Variants in SHISA9 observed in about 807,000 individuals in gnomAD.
SHISA9 encodes the protein protein shisa-9.
Under a neutral mutation model 38.0 loss-of-function variants are expected in SHISA9, and 13 were observed. The ratio of observed to expected loss-of-function variants is 0.34; its 90% CI spans 0.22 to 0.54. The LOEUF (loss-of-function observed/expected upper bound fraction) is 0.54. SHISA9 is among the 20% of genes least tolerant of loss of function. The pLI is 0.91. For missense variants in SHISA9, 538 were observed against 575.8 expected (o/e 0.93, Z 0.67); for synonymous variants, 275 against 242.0 (o/e 1.14, Z -1.27).
At chr16:13,323,383 C>T in the SHISA9 span, among the ~76,000 whole-genome samples, 1 of 152,154 alleles carries the variant, frequency 6.6e-6, no homozygotes, top group South Asian at 2.1e-4. Context: ...AATCCTCAGT[C>T]ATTGAGTGGA....
chr16:13,054,340 T>G (rs1398780606), intron 2 of SHISA9, among the ~76,000 whole-genome samples: 1 of 152,202 alleles, frequency 6.6e-6, no homozygotes, highest in East Asian at 1.9e-4. Flanking sequence ...TGGCGTCTGG[T>G]GCACTGTTGG....
chr16:13,010,363 T>C (rs2072656896), intron 2 of SHISA9, among the ~76,000 whole-genome samples: 1 of 152,126 alleles, frequency 6.6e-6, no homozygotes. Flanking sequence ...CACCAGACAA[T>C]AGGATATTGT....
chr16:13,276,284 T>C, the SHISA9 span, among the ~76,000 whole-genome samples: 1 of 147,582 alleles, frequency 6.8e-6, no homozygotes, highest in Non-Finnish European at 1.5e-5. Flanking sequence ...ATCATATATA[T>C]ATATAGCACA....
intron 2 of SHISA9, among the ~76,000 whole-genome samples, chr16:13,021,664 A>G (rs1291373116): frequency 6.6e-6 from 1 of 152,342 alleles, no homozygotes; most frequent in East Asian, 1.9e-4. Context: ...GGATTCTTAT[A>G]AAACTCAGCA....
chr16:13,148,689 G>GCGCGCACACACA (rs6145754), intron 2 of SHISA9, among the ~76,000 whole-genome samples: 4 of 132,540 alleles, frequency 3.0e-5, no homozygotes, highest in African/African-American at 1.3e-4. Flanking sequence ...ACATACACAA[G>GCGCGCACACACA]CACACACACA....
chr16:13,454,877 C>T, the SHISA9 span, among the ~76,000 whole-genome samples: 81 of 152,266 alleles, frequency 5.3e-4, 1 homozygote, highest in African/African-American at 1.6e-3. Flanking sequence ...AACTCATTAG[C>T]GGAGGGAAGG....
chr16:13,255,436 A>G, the SHISA9 span, among the ~76,000 whole-genome samples: 5 of 152,122 alleles, frequency 3.3e-5, no homozygotes, highest in African/African-American at 7.2e-5. Context: ...TTTCTCTTTC[A>G]TATACATACA....
chr16:13,105,553 G>A (rs1043488870), intron 2 of SHISA9, among the ~76,000 whole-genome samples: 6 of 152,218 alleles, frequency 3.9e-5, no homozygotes, highest in Non-Finnish European at 8.8e-5. Context: ...CTCCCAATTA[G>A]ACTGGTTGTG....
At chr16:13,170,384 T>G (rs895179227) in intron 2 of SHISA9, among the ~76,000 whole-genome samples, 2 of 152,172 alleles carry the variant, frequency 1.3e-5, no homozygotes, top group Admixed American at 6.5e-5. Context: ...TAGTCAATTT[T>G]GTGTTGCTAT....
intron 2 of SHISA9, among the ~76,000 whole-genome samples, chr16:13,089,703 T>G (rs1473960637): frequency 6.6e-6 from 1 of 152,242 alleles, no homozygotes; most frequent in Non-Finnish European, 1.5e-5. Context: ...TTCTTCTTTA[T>G]TAGTCTTGCT....
chr16:12,902,506 G>A lies in SHISA9; in HGVS notation c.442G>A (p.Asp148Asn). 6.4e-7 allele frequency: 1 copy of A among 1,551,516 alleles called. No homozygotes were observed. The highest frequency in any genetic ancestry group is 1.2e-5 in the South Asian group (1 of 84,056). The change falls in exon 1 of 5, where the codon GAC (aspartate) becomes AAC (asparagine). Residue 148 changes from aspartate (D) to asparagine (N), a missense_variant. Around this residue, in one of 4 missense-constraint regions of SHISA9, gnomAD observed 88 missense variants for 109.7 expected, o/e 0.80. Transcript: ENST00000558583. ...CGACCCCTTGCACGACCCCACCAAG[G>A]ACAAGACCAACCTGATCGTCTACAT... is the stretch of plus-strand genomic sequence containing the variant. ...KDDPLHDPTK[D>N]KTNLIVYIIC...
At chr16:13,136,685 C>T (rs1467641357) in intron 2 of SHISA9, among the ~76,000 whole-genome samples, 1 of 152,140 alleles carries the variant, frequency 6.6e-6, no homozygotes, top group Non-Finnish European at 1.5e-5. Flanking sequence ...CAGGCGTGAG[C>T]CACCATGCCC....
chr16:13,362,786 C>G, the SHISA9 span, among the ~76,000 whole-genome samples: 32 of 152,244 alleles, frequency 2.1e-4, no homozygotes, highest in African/African-American at 7.5e-4. Flanking sequence ...AGCAAAGTCC[C>G]GTTCTTTTCA....
the SHISA9 span, among the ~76,000 whole-genome samples, chr16:13,317,825 AT>A: frequency 3.6e-4 from 55 of 151,918 alleles, no homozygotes; most frequent in Non-Finnish European, 6.9e-4. Flanking sequence ...CAACTTCATG[AT>A]TTTTTTTCCA....
At chr16:13,219,010 T>C (rs1377943971) in intron 4 of SHISA9, among the ~76,000 whole-genome samples, 1 of 152,154 alleles carries the variant, frequency 6.6e-6, no homozygotes, top group African/African-American at 2.4e-5. Flanking sequence ...AGGAGGGTGA[T>C]GTGAGGTGAA....
chr16:13,122,207 T>C (rs777085656), intron 2 of SHISA9, among the ~76,000 whole-genome samples: 1 of 152,170 alleles, frequency 6.6e-6, no homozygotes, highest in Non-Finnish European at 1.5e-5. Flanking sequence ...ATCCAGCCTT[T>C]GTGAACCATT....
chr16:13,495,154 C>A, the SHISA9 span, among the ~76,000 whole-genome samples: 1 of 152,098 alleles, frequency 6.6e-6, no homozygotes, highest in Admixed American at 6.5e-5. Context: ...AGTCGTGATT[C>A]CATGAATCTC....
chr16:13,067,930 G>A (rs901832483), intron 2 of SHISA9, among the ~76,000 whole-genome samples: 2 of 152,128 alleles, frequency 1.3e-5, no homozygotes, highest in African/African-American at 2.4e-5. Flanking sequence ...TCAAACCCCC[G>A]GACACCGGCA....
chr16:13,146,518 C>T (rs144829018), intron 2 of SHISA9, among the ~76,000 whole-genome samples: 1 of 152,278 alleles, frequency 6.6e-6, no homozygotes, highest in East Asian at 1.9e-4. Flanking sequence ...CTTTGTGTTA[C>T]AGACAACTCA....
Sources: allele counts gnomAD v4.1 joint callset (sites outside exome capture counted in the v4.1 genomes callset), GRCh38; gene constraint gnomAD v4.1.1; regional missense constraint gnomAD v4.1.1; transcripts MANE v1.5; gene names NCBI Gene and HGNC (gene_info 2026-07-23, HGNC 2026-07-21).